Variants in SND1 observed in about 807,000 individuals in gnomAD.
SND1 encodes staphylococcal nuclease and tudor domain containing 1.
SND1 carries 38 observed loss-of-function variants against 121.7 expected under a neutral mutation model. That is an observed-to-expected ratio of 0.31 (90% CI 0.24 to 0.41). The LOEUF (loss-of-function observed/expected upper bound fraction) is 0.41. Ranked by LOEUF, SND1 falls within the 10% of genes least tolerant of loss-of-function variation. SND1 has a pLI of 1.00. For missense variants in SND1, 868 were observed against 1,184.6 expected, an observed-to-expected ratio of 0.73 and a Z score of 3.92; for synonymous variants, 401 against 447.4, an observed-to-expected ratio of 0.90 and a Z score of 1.31.
At chr7:128,078,468 A>G (rs937926004) in intron 17 of SND1, among the ~76,000 whole-genome samples, 2 of 152,206 alleles carry the variant, frequency 1.3e-5, no homozygotes, top group Admixed American at 1.3e-4. Flanking sequence ...CTGTCTTCTC[A>G]ATTCAGGTGG....
chr7:127,941,357 A>G (rs939350784), intron 15 of SND1, among the ~76,000 whole-genome samples: 15 of 152,134 alleles, frequency 9.9e-5, no homozygotes, highest in Admixed American at 7.9e-4. Context: ...GATTCCCTGT[A>G]GTTTTTCCTT....
chr7:128,050,847 C>A (rs1269891984), intron 16 of SND1, among the ~76,000 whole-genome samples: 1 of 152,248 alleles, frequency 6.6e-6, no homozygotes, highest in Non-Finnish European at 1.5e-5. Context: ...TGATGAAGGG[C>A]TCTGGGAGGC....
intron 16 of SND1, among the ~76,000 whole-genome samples, chr7:128,025,394 GTTTC>G (rs72433434): frequency 0.19 from 29,163 of 151,986 alleles, 3,150 homozygotes; most frequent in African/African-American, 0.3. Flanking sequence ...CTGGGGCTCA[GTTTC>G]TTTGACTGTA....
At chr7:127,995,247 C>T (rs1240434758) in intron 16 of SND1, among the ~76,000 whole-genome samples, 1 of 152,212 alleles carries the variant, frequency 6.6e-6, no homozygotes, top group Non-Finnish European at 1.5e-5. Flanking sequence ...TGTCCCCTGC[C>T]GTTGAGGCTG....
intron 10 of SND1, 73 bp from the exon 11 acceptor site, chr7:127,807,411 C>G: frequency 8.6e-7 from 1 of 1,161,804 alleles, no homozygotes; most frequent in Middle Eastern, 2.1e-4. Flanking sequence ...AGACACATTC[C>G]TATATCTTGT....
chr7:127,984,711 T>A (rs1802345416), intron 15 of SND1, among the ~76,000 whole-genome samples: 1 of 152,214 alleles, frequency 6.6e-6, no homozygotes, highest in Non-Finnish European at 1.5e-5. Flanking sequence ...TTAGTTTTAG[T>A]TTGGTTGAAA....
intron 9 of SND1, among the ~76,000 whole-genome samples, chr7:127,710,175 A>G (rs1259886303): frequency 6.6e-6 from 1 of 152,212 alleles, no homozygotes; most frequent in African/African-American, 2.4e-5. Context: ...ATTAAATGTC[A>G]GTATCGTAAA....
intron 15 of SND1, among the ~76,000 whole-genome samples, chr7:127,972,072 G>T (rs1278559886): frequency 6.6e-6 from 1 of 152,064 alleles, no homozygotes; most frequent in African/African-American, 2.4e-5. Flanking sequence ...ACCACGCCTG[G>T]CCAGCTTGAT....
intron 11 of SND1, among the ~76,000 whole-genome samples, chr7:127,816,055 G>A (rs1209998422): frequency 2.0e-5 from 3 of 152,192 alleles, no homozygotes; most frequent in African/African-American, 7.2e-5. Flanking sequence ...ATACACCCAA[G>A]CACATTTCCA....
chr7:127,763,041 A>T (rs2116480198), intron 10 of SND1, among the ~76,000 whole-genome samples: 1 of 152,324 alleles, frequency 6.6e-6, no homozygotes, highest in East Asian at 1.9e-4. Flanking sequence ...GGCCTCTCAG[A>T]AAAGGTAGAA....
At chr7:128,045,844 T>C (rs928694132) in intron 16 of SND1, among the ~76,000 whole-genome samples, 2 of 152,178 alleles carry the variant, frequency 1.3e-5, no homozygotes. Context: ...GCTCTAGGCA[T>C]TGCATGCTCA....
chr7:127,703,702 ACT>A (rs1013878085), intron 7 of SND1, among the ~76,000 whole-genome samples: 1 of 151,912 alleles, frequency 6.6e-6, no homozygotes, highest in African/African-American at 2.4e-5. Flanking sequence ...ACAGAGCAAG[ACT>A]CTGTCTCAAA....
intron 10 of SND1, among the ~76,000 whole-genome samples, chr7:127,738,959 C>T (rs1452590502): frequency 6.6e-6 from 1 of 152,198 alleles, no homozygotes; most frequent in Admixed American, 6.5e-5. Context: ...TTTGGAAGGA[C>T]ACTTGCAGGG....
intron 10 of SND1, among the ~76,000 whole-genome samples, chr7:127,773,255 C>T (rs1356363228): frequency 6.6e-6 from 1 of 152,070 alleles, no homozygotes; most frequent in Non-Finnish European, 1.5e-5. Flanking sequence ...AGATCTAGAC[C>T]ATTCTGTCCA....
intron 15 of SND1, among the ~76,000 whole-genome samples, chr7:127,938,199 T>C (rs1801102478): frequency 6.6e-6 from 1 of 152,256 alleles, no homozygotes; most frequent in Non-Finnish European, 1.5e-5. Context: ...ATAAGAATTA[T>C]GTTCATGTCC....
At chr7:127,913,536 G>A (rs945406674) in intron 14 of SND1, among the ~76,000 whole-genome samples, 3 of 152,240 alleles carry the variant, frequency 2.0e-5, no homozygotes, top group Non-Finnish European at 2.9e-5. Flanking sequence ...CATGCTCTTC[G>A]GTTGTTCTCT....
chr7:127,997,036 T>A (rs955118881), intron 16 of SND1, among the ~76,000 whole-genome samples: 2 of 152,230 alleles, frequency 1.3e-5, no homozygotes, highest in African/African-American at 4.8e-5. Context: ...TTTTCTCATT[T>A]TAAAAGTGTT....
intron 22 of SND1, 145 bp downstream of exon 22, chr7:128,089,837 T>G: frequency 1.3e-6 from 1 of 747,266 alleles, no homozygotes; most frequent in East Asian, 2.7e-5. Flanking sequence ...TTTGTTGGTG[T>G]TTTTTTGTTT....
At chr7:127,812,608 G>A (rs1248049229) in intron 11 of SND1, among the ~76,000 whole-genome samples, 1 of 152,210 alleles carries the variant, frequency 6.6e-6, no homozygotes, top group Non-Finnish European at 1.5e-5. Flanking sequence ...TCACGGAGAA[G>A]TTGAGGGGCA....
Sources: gnomAD v4.1 joint callset for allele counts (sites outside exome capture counted in the v4.1 genomes callset) on GRCh38, gnomAD v4.1.1 for gene constraint, MANE v1.5 for transcripts, NCBI Gene and HGNC (gene_info 2026-07-23, HGNC 2026-07-21) for gene names.